Variants in PHF1 observed in about 807,000 individuals in gnomAD.
The protein encoded by PHF1 is PHD finger protein 1.
Under a neutral mutation model 69.4 loss-of-function variants are expected in PHF1, and 16 were observed. That is an observed-to-expected ratio of 0.23 (90% confidence interval 0.16 to 0.35). The LOEUF (loss-of-function observed/expected upper bound fraction) is 0.35. PHF1 is among the 10% of genes least tolerant of loss of function. The pLI is 1.00. For synonymous variants in PHF1, 274 were observed against 275.0 expected, an observed-to-expected ratio of 1.00 and a Z score of 0.04; for missense variants, 515 against 732.8, an observed-to-expected ratio of 0.70 and a Z score of 3.43.
chr6:33,416,089 C>T lies in PHF1; in HGVS notation c.1695C>T (p.Gly565=). ...VQYLVEWGGG[G]IF is the part of the protein sequence containing the mutation. ...ACCTGGTTGAGTGGGGAGGAGGGGG[C>T]ATCTTCTGAACAGCCTGCCTCTGCC... Residue 565 remains glycine, a synonymous_variant, in exon 15 of 15, where the codon GGC becomes GGT. Transcript: ENST00000374516. 1 of 1,544,320 alleles carries T rather than the reference C, an allele frequency of 6.5e-7. No homozygotes were observed. The highest frequency in any genetic ancestry group is 8.7e-7 in the Non-Finnish European group (1 of 1,144,584).
chr6:33,412,834 C>T lies in PHF1; in HGVS notation c.337+41C>T. ...ACCTGAATGGTCCAGCTTGCTCTTC[C>T]CTCCAGGATGGTCTCTATATCACCT... On this transcript the variant is annotated intron_variant, in intron 4 of 14. Transcript: ENST00000374516. This position sits in a 1 kb window ranked among gnomAD's most constrained non-coding sequence, Gnocchi z 4.2. The T allele has an allele frequency of 1.3e-6, 2 of 1,524,974 alleles. No homozygotes were observed. Among genetic ancestry groups the T allele is most frequent in the Non-Finnish European group, 1.8e-6 (2 of 1,099,226 alleles). 94.5% of individuals were successfully genotyped at this position (1,524,974 alleles called of 1,614,324 possible).
rs373304211 is a variant in PHF1, at chr6:33,414,395, G to T, written c.876+29G>T. ...AGGGGTAGTGCAGTTTTGGGGGTTG[G>T]GATGGGACAGGGAGATGTAGCGGAA... On this transcript the variant is annotated intron_variant, in intron 9 of 14. Coordinates refer to ENST00000374516, the MANE Select transcript of PHF1 (RefSeq NM_024165.3). The surrounding 1 kb of genome is among the most constrained non-coding windows in gnomAD (Gnocchi z 5.0). 5.0e-6 allele frequency: 8 copies of T among 1,613,896 alleles called. No homozygotes were observed. Among genetic ancestry groups the T allele is most frequent in the Non-Finnish European group, 6.8e-6 (8 of 1,179,940 alleles).
chr6:33,415,070 C>A lies in PHF1; in HGVS notation c.1165C>A (p.Pro389Thr). ...RQKGKVEELG[P>T]PSAVRNQPEP... ...GAAGGGGAAAGTGGAGGAGCTGGGG[C>A]CACCCTCAGCAGTGCGCAATCAGCC... The change falls in exon 12 of 15, where the codon CCA becomes ACA. Residue 389 changes from proline (P) to threonine (T), a missense_variant. Pro to Thr is a conservative substitution (Grantham distance 38). This residue lies in a region of PHF1 where 274 missense variants were observed against 304.5 expected (regional missense o/e 0.90). Coordinates refer to ENST00000374516, the MANE Select transcript of PHF1 (RefSeq NM_024165.3). 2 of 1,610,594 alleles carry A rather than the reference C, an allele frequency of 1.2e-6. No homozygotes were observed. Among genetic ancestry groups the A allele is most frequent in the Non-Finnish European group, 1.7e-6 (2 of 1,178,446 alleles).
At chr6:33,413,660 G>A in intron 6 of PHF1, 76 bp from the exon 7 acceptor site, 2 of 1,597,472 alleles carry the variant, frequency 1.3e-6, no homozygotes, top group Non-Finnish European at 1.7e-6. Flanking sequence ...CAGGGGGATA[G>A]GAGGTAAGTT....
At chr6:33,415,363 T>A in intron 13 of PHF1, 34 bp downstream of exon 13, 1 of 1,497,478 alleles carries the variant, frequency 6.7e-7, no homozygotes. Flanking sequence ...CCACAAAATA[T>A]GCTCCCAATT....
upstream of PHF1, chr6:33,410,944 C>T (rs888435702): frequency 3.4e-5 from 5 of 147,856 alleles, no homozygotes; most frequent in African/African-American, 5.1e-5. Context: ...TCCTTTCCCC[C>T]AGTCCTCCCC....
In PHF1 at chr6:33,412,176, AAAAAG is replaced by A; in HGVS notation, c.-16-67_-16-63del. On this transcript the variant is annotated intron_variant, in intron 1 of 14. Coordinates refer to ENST00000374516, the MANE Select transcript of PHF1 (RefSeq NM_024165.3). The surrounding 1 kb of genome is among the most constrained non-coding windows in gnomAD (Gnocchi z 4.2). The stretch of plus-strand genomic sequence containing the variant: ...AACTCCATCTCAGGAAAAAAAAAAA[AAAAAG>A]AAAAAGAAAATGGGGAAGGTTTCTC... The A allele has an allele frequency of 2.4e-5, 29 of 1,191,494 alleles. No homozygotes were observed. The highest frequency in any genetic ancestry group is 3.0e-5 in the Non-Finnish European group (25 of 845,814). 73.8% of individuals were successfully genotyped at this position (1,191,494 alleles called of 1,614,324 possible). A position where few individuals can be genotyped will look rare whatever the true frequency, so the allele number is the denominator to read the frequency against.
chr6:33,414,943 G>A lies in PHF1; in HGVS notation c.1050-12G>A, dbSNP rs1217325059. On this transcript the variant is annotated splice_polypyrimidine_tract_variant and intron_variant, in intron 11 of 14. Transcript: ENST00000374516. This position sits in a 1 kb window ranked among gnomAD's most constrained non-coding sequence, Gnocchi z 5.0. ...CGGGAGGGGGCTGGGGGGATAAGGA[G>A]GCCTCTTACAGCTTCCCTTCAGGGC... 6.6e-7 allele frequency: 1 copy of A among 1,521,376 alleles called. No individual in the cohort carries two copies. Among genetic ancestry groups the A allele is most frequent in the South Asian group, 1.2e-5 (1 of 80,160 alleles). The allele number at this position is 1,521,376 out of a possible 1,614,324, so 94.2% of individuals were successfully genotyped here.
chr6:33,411,915 C>A (rs1160372793), intron 1 of PHF1, among the ~76,000 whole-genome samples: 2 of 152,196 alleles, frequency 1.3e-5, no homozygotes, highest in Non-Finnish European at 2.9e-5. Context: ...GTAATCCCAG[C>A]ACTTTGGGAA....
intron 13 of PHF1, 72 bp from the exon 14 acceptor site, chr6:33,415,518 C>T: frequency 6.7e-7 from 1 of 1,490,382 alleles, no homozygotes; most frequent in African/African-American, 1.4e-5. Flanking sequence ...AGTGTTTGAG[C>T]TCTGCACTTC....
Position 33,414,781 on chromosome 6 carries a change from G to C in PHF1, c.1001G>C (p.Arg334Pro). 1 of 1,613,972 alleles carries C rather than the reference G, an allele frequency of 6.2e-7. No homozygotes were observed. Among genetic ancestry groups the C allele is most frequent in the South Asian group, 1.1e-5 (1 of 91,070 alleles). The change falls in exon 11 of 15, where the codon CGG (arginine) becomes CCG (proline). Residue 334 changes from arginine to proline, a missense_variant. Coordinates refer to ENST00000374516, the MANE Select transcript of PHF1 (RefSeq NM_024165.3). This position sits in a 1 kb window ranked among gnomAD's most constrained non-coding sequence, Gnocchi z 5.0. ...AAATGTTTGTTTGGTCTCCATGCTC[G>C]GATGCCTCCCCCTGTGGAGCCCCCT... The part of the protein sequence containing the change: ...KRKCLFGLHA[R>P]MPPPVEPPTG...
chr6:33,413,405 G>A lies in PHF1; in HGVS notation c.439-4G>A. 1 of 1,614,126 alleles carries A rather than the reference G, an allele frequency of 6.2e-7. No homozygotes were observed. The highest frequency in any genetic ancestry group is 1.1e-5 in the South Asian group (1 of 91,084). ...GAAGCCACCCACCTGTCCTGTCTCTGCAGAGGGGAGGTGCCCTGAAGAAGG... is the reference window on the plus strand; with the variant it reads ...GAAGCCACCCACCTGTCCTGTCTCTACAGAGGGGAGGTGCCCTGAAGAAGG... On this transcript the variant is annotated splice_region_variant and splice_polypyrimidine_tract_variant and intron_variant, in intron 5 of 14. Transcript: ENST00000374516.
Position 33,414,710 on chromosome 6 carries a change from CTCT to C in PHF1, c.945-10_945-8del, listed in dbSNP as rs1562855356. On this transcript the variant is annotated splice_polypyrimidine_tract_variant and intron_variant, in intron 10 of 14. Coordinates refer to ENST00000374516, the MANE Select transcript of PHF1 (RefSeq NM_024165.3). The surrounding 1 kb of genome is among the most constrained non-coding windows in gnomAD (Gnocchi z 5.0). ...TTACAGCACTGACCCTATATCATTT[CTCT>C]TCTTGCCCCAGTTTCATTTCAGGGA... The C allele has an allele frequency of 3.7e-6, 6 of 1,606,398 alleles. No homozygotes were observed. In the South Asian group the frequency reaches 4.4e-5, roughly 12 times the overall value.
Position 33,414,955 on chromosome 6 carries a change from C to A in PHF1, c.1050C>A (p.Ser350Arg). ...EPPTGDGALT[S>R]FPSGQGPGGG... ...GGGGGGATAAGGAGGCCTCTTACAG[C>A]TTCCCTTCAGGGCAGGGCCCTGGGG... is the stretch of plus-strand genomic sequence containing the variant. Residue 350 changes from serine (S) to arginine (R), a missense_variant and splice_region_variant, in exon 12 of 15, where the codon AGC becomes AGA. Ser to Arg is a moderately radical substitution (Grantham distance 110). Around this residue, in one of 5 missense-constraint regions of PHF1, gnomAD observed 274 missense variants for 304.5 expected, o/e 0.90. Coordinates refer to ENST00000374516, the MANE Select transcript of PHF1 (RefSeq NM_024165.3). The surrounding 1 kb of genome is among the most constrained non-coding windows in gnomAD (Gnocchi z 5.0). 6.6e-7 allele frequency: 1 copy of A among 1,525,538 alleles called. No homozygotes were observed. The allele number at this position is 1,525,538 out of a possible 1,614,324, so 94.5% of individuals were successfully genotyped here.
At chr6:33,415,407 C>CT (rs1776390637) in intron 13 of PHF1, 78 bp downstream of exon 13, 1 of 1,311,952 alleles carries the variant, frequency 7.6e-7, no homozygotes, top group Non-Finnish European at 1.1e-6. Context: ...ACCCAGAATT[C>CT]TTTTCCCTCT....
intron 6 of PHF1, 84 bp from the exon 7 acceptor site, chr6:33,413,651 AG>A: frequency 6.3e-7 from 1 of 1,598,404 alleles, no homozygotes; most frequent in Middle Eastern, 1.7e-4. Context: ...GGTAGCACTC[AG>A]GGGGATAGGA....
rs759428242 is a variant in PHF1, at chr6:33,412,325, C to T, written c.62C>T (p.Pro21Leu). 6.2e-7 allele frequency: 1 copy of T among 1,614,234 alleles called. No homozygotes were observed. The highest frequency in any genetic ancestry group is 8.5e-7 in the Non-Finnish European group (1 of 1,180,026). The change falls in exon 2 of 15, where the codon CCT becomes CTT. Residue 21 changes from proline to leucine, a missense_variant. Transcript: ENST00000374516. The surrounding 1 kb of genome is among the most constrained non-coding windows in gnomAD (Gnocchi z 4.2). ...GASSLWDPAS[P>L]APTSGPRPRL... ...TCCTCACTTTGGGACCCAGCTTCTC[C>T]TGCTCCCACCTCTGGCCCCAGGCCT...
chr6:33,411,398 C>CA (rs1487232556), intron 1 of PHF1, among the ~76,000 whole-genome samples, 183 bp downstream of exon 1: 1 of 152,056 alleles, frequency 6.6e-6, no homozygotes, highest in Non-Finnish European at 1.5e-5. Flanking sequence ...CCGGGGCACT[C>CA]AGAGAAGTTG....
At position 33,414,921 on chromosome 6, in the gene PHF1, G is replaced by T; in HGVS notation, c.1050-34G>T. The T allele has an allele frequency of 6.6e-7, 1 of 1,518,524 alleles. No individual in the cohort carries two copies. Among genetic ancestry groups the T allele is most frequent in the Non-Finnish European group, 8.8e-7 (1 of 1,131,138 alleles). 94.1% of individuals were successfully genotyped at this position (1,518,524 alleles called of 1,614,324 possible). On this transcript the variant is annotated intron_variant, in intron 11 of 14. Coordinates refer to ENST00000374516, the MANE Select transcript of PHF1 (RefSeq NM_024165.3). This position sits in a 1 kb window ranked among gnomAD's most constrained non-coding sequence, Gnocchi z 5.0. Reference sequence around the variant, plus strand: ...ATGGGGAGGTCTTGGGGGTGTCCGGGAGGGGGCTGGGGGGATAAGGAGGCC... The same window carrying T: ...ATGGGGAGGTCTTGGGGGTGTCCGGTAGGGGGCTGGGGGGATAAGGAGGCC...
Sources: allele counts gnomAD v4.1 joint callset (sites outside exome capture counted in the v4.1 genomes callset), GRCh38; gene constraint gnomAD v4.1.1; regional missense constraint gnomAD v4.1.1; non-coding constraint Gnocchi (gnomAD v3.1); transcripts MANE v1.5; gene names NCBI Gene and HGNC (gene_info 2026-07-23, HGNC 2026-07-21).